The following FRRS1 variants were observed in gnomAD, a reference collection of about 807,000 sequenced individuals.
The protein encoded by FRRS1 is ferric reductase 1.
FRRS1 carries 51 observed loss-of-function variants against 70.7 expected under a neutral mutation model. The ratio of observed to expected loss-of-function variants is 0.72; its 90% CI spans 0.58 to 0.91. The LOEUF (loss-of-function observed/expected upper bound fraction) is 0.91. FRRS1 is among the 40% of genes least tolerant of loss of function. The pLI, the probability that FRRS1 is intolerant of heterozygous loss-of-function variation, is 0.00. For synonymous variants in FRRS1, 225 were observed against 238.7 expected (o/e 0.94, Z 0.53); for missense variants, 672 against 726.0 (o/e 0.93, Z 0.86).
intron 5 of FRRS1, among the ~76,000 whole-genome samples, chr1:99,741,182 T>G (rs905411790): frequency 6.6e-6 from 1 of 152,244 alleles, no homozygotes; most frequent in Non-Finnish European, 1.5e-5. Flanking sequence ...TGGGGGCATA[T>G]TCACAATAGC....
chr1:99,709,092 G>T lies in FRRS1; in HGVS notation c.1715C>A (p.Ala572Glu), dbSNP rs1408478208. ...AGTAACATTCCCACAGACATAAATT[G>T]CCAACACTGCCTTTTTAAAAGCATG... ...EGHAFKKAVLAIYVCGNVTFL... is the reference protein window; with the variant it reads ...EGHAFKKAVLEIYVCGNVTFL... The change falls in exon 17 of 17, where the codon GCA becomes GAA. Residue 572 changes from alanine (A) to glutamate (E), a missense_variant. Coordinates refer to ENST00000646001, the MANE Select transcript of FRRS1 (RefSeq NM_001361041.2). 6.2e-7 allele frequency: 1 copy of T among 1,613,226 alleles called. No individual in the cohort carries two copies.
chr1:99,746,265 C>G (rs1480134109), intron 4 of FRRS1, among the ~76,000 whole-genome samples: 1 of 152,126 alleles, frequency 6.6e-6, no homozygotes. Flanking sequence ...TCTTTACACA[C>G]AGTACTCGAT....
rs753062486 is a variant in FRRS1, at chr1:99,748,602, A to T, written c.167T>A (p.Met56Lys). Residue 56 changes from methionine (M) to lysine (K), a missense_variant, in exon 3 of 17, where the codon ATG becomes AAG. Met to Lys is a moderately conservative substitution (Grantham distance 95). Transcript: ENST00000646001. ...AATCTGATCTCCTGGCCTGAATGTC[A>T]TCTGACTCACGTAAATGTCATGAAC... ...VPVHDIYVSQ[M>K]TFRPGDQIEV... The T allele has an allele frequency of 1.9e-6, 3 of 1,613,982 alleles. No individual in the cohort carries two copies. The highest frequency in any genetic ancestry group is 1.3e-5 in the African/African-American group (1 of 74,942).
At chr1:99,737,897 G>A (rs1036567836) in intron 7 of FRRS1, among the ~76,000 whole-genome samples, 189 bp downstream of exon 7, 24 of 152,108 alleles carry the variant, frequency 1.6e-4, no homozygotes, top group African/African-American at 4.6e-4. Context: ...CGCCCGCCAC[G>A]ACGCTAGGCT....
intron 9 of FRRS1, among the ~76,000 whole-genome samples, chr1:99,723,893 G>A (rs1189634763): frequency 6.6e-6 from 1 of 152,134 alleles, no homozygotes; most frequent in Non-Finnish European, 1.5e-5. Flanking sequence ...TTTATGTAAT[G>A]AATGCCTAGA....
Position 99,706,175 on chromosome 1 carries a change from C to G in FRRS1, c.*2853G>C, listed in dbSNP as rs1654031816. The stretch of plus-strand genomic sequence containing the variant: ...TCTGAGGCAAGGGGATTGCTTGAGC[C>G]CAGGAGTTCGAGATCAGCCTGGGCA... On this transcript the variant is annotated 3_prime_UTR_variant, in exon 17 of 17. Transcript: ENST00000646001. Among the ~76,000 whole-genome samples, 1 of 151,438 alleles carries G rather than the reference C, an allele frequency of 6.6e-6. No homozygotes were observed. The highest frequency in any genetic ancestry group is 6.6e-5 in the Admixed American group (1 of 15,208).
chr1:99,706,223 C>CAA lies in FRRS1; in HGVS notation c.*2804_*2805insTT, dbSNP rs564004968. Among the ~76,000 whole-genome samples, 4,955 of 147,896 alleles carry CAA rather than the reference C, an allele frequency of 0.034. 277 individuals are homozygous for CAA. Among genetic ancestry groups the CAA allele is most frequent in the African/African-American group, 0.12 (4,663 of 39,444 alleles). On this transcript the variant is annotated 3_prime_UTR_variant, in exon 17 of 17. Coordinates refer to ENST00000646001, the MANE Select transcript of FRRS1 (RefSeq NM_001361041.2). ...GCAACAAAGGGAGATCCCTTCTCTA[C>CAA]CAAAAAAAAAAAAAAATTTTTTTTT...
At position 99,728,507 on chromosome 1, in the gene FRRS1, C is replaced by G; in HGVS notation, c.992G>C (p.Gly331Ala). The change falls in exon 9 of 17, where the codon GGT (glycine) becomes GCT (alanine). Residue 331 changes from glycine to alanine, a missense_variant. By Grantham distance (60) the Gly-to-Ala change is moderately conservative (BLOSUM62 0). Coordinates refer to ENST00000646001, the MANE Select transcript of FRRS1 (RefSeq NM_001361041.2). ...NTSYYIFLAD[G>A]AANDGRIYKH... Reference sequence around the variant, plus strand: ...AATATACTTACCATCATTAGCTGCACCATCTGCTAGAAATATGTAATAGCT... The same window carrying G: ...AATATACTTACCATCATTAGCTGCAGCATCTGCTAGAAATATGTAATAGCT... The G allele has an allele frequency of 6.2e-7, 1 of 1,611,536 alleles. No individual in the cohort carries two copies. Among genetic ancestry groups the G allele is most frequent in the Non-Finnish European group, 8.5e-7 (1 of 1,177,972 alleles).
intron 11 of FRRS1, among the ~76,000 whole-genome samples, chr1:99,716,320 A>T (rs140233922): frequency 6.6e-6 from 1 of 152,342 alleles, no homozygotes; most frequent in East Asian, 1.9e-4. Flanking sequence ...ATAGAGACAG[A>T]GATAAAACTA....
intron 1 of FRRS1, among the ~76,000 whole-genome samples, chr1:99,763,868 CAAA>C (rs71744107): frequency 7.3e-5 from 8 of 109,990 alleles, no homozygotes; most frequent in Admixed American, 1.8e-4. Flanking sequence ...AACTCTGTCT[CAAA>C]AAAAAAAAAA....
At chr1:99,722,813 C>T (rs1654901745) in intron 9 of FRRS1, among the ~76,000 whole-genome samples, 1 of 152,156 alleles carries the variant, frequency 6.6e-6, no homozygotes, top group African/African-American at 2.4e-5. Flanking sequence ...ACCTCATTTA[C>T]CATTCTACAT....
rs542483356 is a variant in FRRS1, at chr1:99,708,263, T to C, written c.*765A>G. On this transcript the variant is annotated 3_prime_UTR_variant, in exon 17 of 17. Transcript: ENST00000646001. ...GACCATTCAGATAAACTAGTAAAAA[T>C]AGTTTTTCTTTAAAGTACCACAGCA... Among the ~76,000 whole-genome samples the C allele has an allele frequency of 7.2e-4, 110 of 152,134 alleles. No individual in the cohort carries two copies. Among genetic ancestry groups the C allele is most frequent in the Non-Finnish European group, 1.3e-3 (85 of 67,988 alleles).
Position 99,748,972 on chromosome 1 carries a change from G to A in FRRS1, c.-76C>T, listed in dbSNP as rs1656433680. On this transcript the variant is annotated 5_prime_UTR_variant, in exon 2 of 17. Transcript: ENST00000646001. ...CTCTACAAATTACTGTGAGACTTTG[G>A]GCAAATCATTTAATCCTCCACTTCC... The A allele has an allele frequency of 2.2e-6, 1 of 459,036 alleles. No individual in the cohort carries two copies. The allele number at this position is 459,036 out of a possible 1,614,324, so 28.4% of individuals were successfully genotyped here. A position where few individuals can be genotyped will look rare whatever the true frequency, so the allele number is the denominator to read the frequency against.
intron 1 of FRRS1, among the ~76,000 whole-genome samples, chr1:99,754,769 C>T (rs1363836463): frequency 5.3e-5 from 8 of 152,248 alleles, no homozygotes; most frequent in Admixed American, 4.6e-4. Flanking sequence ...GGGAAATTTA[C>T]AGCATTAAAC....
At chr1:99,714,816 T>C (rs972283655) in intron 12 of FRRS1, among the ~76,000 whole-genome samples, 3 of 152,146 alleles carry the variant, frequency 2.0e-5, no homozygotes, top group Non-Finnish European at 1.5e-5. Context: ...GGAGAAAAGA[T>C]GATCAGGAGT....
intron 12 of FRRS1, 144 bp downstream of exon 12, chr1:99,715,442 G>A (rs1654470680): frequency 1.7e-6 from 1 of 594,610 alleles, no homozygotes; most frequent in Non-Finnish European, 3.1e-6. Context: ...CCAACCATGT[G>A]AGAGAGCCAT....
chr1:99,710,834 C>A lies in FRRS1; in HGVS notation c.1596G>T (p.Glu532Asp). Residue 532 changes from glutamate (E) to aspartate (D), a missense_variant, in exon 15 of 17, where the codon GAG becomes GAT. Physicochemically the swap from Glu to Asp is conservative, Grantham distance 45 (BLOSUM62 2). Coordinates refer to ENST00000646001, the MANE Select transcript of FRRS1 (RefSeq NM_001361041.2). ...AWHVGTEVVL[E>D]VHAYRLSRKV... is the part of the protein sequence containing the mutation. ...TGCGAGAGAGCCGATAAGCATGTAC[C>A]TCCAGAACAACCTCAGTCCCAACAT... 6.2e-7 allele frequency: 1 copy of A among 1,613,796 alleles called. No homozygotes were observed. Among genetic ancestry groups the A allele is most frequent in the Non-Finnish European group, 8.5e-7 (1 of 1,179,874 alleles).
chr1:99,760,582 A>C (rs1657066758), intron 1 of FRRS1, among the ~76,000 whole-genome samples: 1 of 152,232 alleles, frequency 6.6e-6, no homozygotes, highest in African/African-American at 2.4e-5. Flanking sequence ...TAAAAAACAA[A>C]GAGCATAAAA....
chr1:99,754,507 AAGAG>A (rs60311161), intron 1 of FRRS1, among the ~76,000 whole-genome samples: 4 of 149,546 alleles, frequency 2.7e-5, no homozygotes, highest in Admixed American at 6.6e-5. Context: ...GAGAGAGAGA[AAGAG>A]AGAGAGAGAG....
Sources: allele counts gnomAD v4.1 joint callset (sites outside exome capture counted in the v4.1 genomes callset), GRCh38; gene constraint gnomAD v4.1.1; transcripts MANE v1.5; gene names NCBI Gene and HGNC (gene_info 2026-07-23, HGNC 2026-07-21).